Variants in PCDH11X observed in about 807,000 individuals in gnomAD.
The protein encoded by PCDH11X is protocadherin 11 X-linked.
A neutral mutation model predicts 53.3 loss-of-function variants in PCDH11X; 18 were observed. The ratio of observed to expected loss-of-function variants is 0.34; its 90% CI spans 0.23 to 0.50. The LOEUF is 0.50. Among genes scored for constraint, PCDH11X ranks in the 20% least tolerant of loss-of-function variants. The pLI is 0.98. For synonymous variants in PCDH11X, 279 were observed against 393.3 expected (o/e 0.71, Z 3.44); for missense variants, 570 against 1,032.4 (o/e 0.55, Z 6.14).
Position 92,316,997 on chromosome X carries a change from GC to G in PCDH11X, c.3144+53856del, listed in dbSNP as rs748963107. Among the ~76,000 whole-genome samples the G allele has an allele frequency of 4.5e-5, 5 of 111,430 alleles. No homozygotes were observed. In the East Asian group the frequency reaches 1.4e-3, roughly 31 times the overall value. On this transcript the variant is annotated intron_variant, in intron 8 of 10. Transcript: ENST00000682573. ...TTAAAATATTTATGTCTTAAAGACA[GC>G]CAAACACGTACTTTCAAAAAAAATT...
At chrX:91,977,814 G>A (rs966000043) in intron 6 of PCDH11X, among the ~76,000 whole-genome samples, 1 of 111,201 alleles carries the variant, frequency 9.0e-6, no homozygotes, top group African/African-American at 3.3e-5. Flanking sequence ...GTAATACCTG[G>A]GGGCAGGGTG....
Position 92,547,702 on chromosome X carries a change from T to C in PCDH11X, c.3368-70562T>C, listed in dbSNP as rs2074880361. Among the ~76,000 whole-genome samples the C allele has an allele frequency of 2.7e-5, 3 of 111,370 alleles. 1 individual carries two copies. The South Asian group carries it at 1.1e-3, about 42-fold the overall frequency. On this transcript the variant is annotated intron_variant, in intron 10 of 10. Coordinates refer to ENST00000682573, the MANE Select transcript of PCDH11X (RefSeq NM_032968.5). Reference sequence around the variant, plus strand: ...AAAAAATGATAGTTGTACATTTTTTTCTAATGGGCTTTTTCTTTTCTTTAT... The same window carrying C: ...AAAAAATGATAGTTGTACATTTTTTCCTAATGGGCTTTTTCTTTTCTTTAT...
intron 6 of PCDH11X, among the ~76,000 whole-genome samples, chrX:92,144,443 G>A (rs1255765978): frequency 9.0e-6 from 1 of 110,606 alleles, no homozygotes; most frequent in Non-Finnish European, 1.9e-5. Context: ...TCATGATAGT[G>A]AATACGTCTT....
chrX:92,495,113 A>C (rs1396533862), intron 10 of PCDH11X, among the ~76,000 whole-genome samples: 2 of 108,174 alleles, frequency 1.8e-5, no homozygotes, highest in Admixed American at 1.0e-4. Flanking sequence ...GAATATTTAC[A>C]TAAAATATTT....
chrX:91,888,888 T>C (rs1940352927), intron 6 of PCDH11X, among the ~76,000 whole-genome samples: 1 of 110,300 alleles, frequency 9.1e-6, no homozygotes, highest in Admixed American at 9.7e-5. Flanking sequence ...TATTTACTTA[T>C]TATATATCAG....
chrX:92,579,200 T>C, intron 10 of PCDH11X, among the ~76,000 whole-genome samples: 1 of 105,405 alleles, frequency 9.5e-6, no homozygotes. Flanking sequence ...ACTTCCACTT[T>C]GGGGAACTGA....
At chrX:92,535,762 C>T (rs2074646689) in intron 10 of PCDH11X, among the ~76,000 whole-genome samples, 1 of 111,534 alleles carries the variant, frequency 9.0e-6, no homozygotes, top group South Asian at 3.7e-4. Context: ...CATATAGTAC[C>T]AGTAAGAATA....
intron 6 of PCDH11X, among the ~76,000 whole-genome samples, chrX:91,984,966 A>G (rs1471979371): frequency 9.0e-6 from 1 of 111,432 alleles, no homozygotes; most frequent in Admixed American, 9.6e-5. Flanking sequence ...TTGAGGAACC[A>G]TAAGCCCTCC....
intron 4 of PCDH11X, among the ~76,000 whole-genome samples, chrX:91,814,998 A>G (rs1451776484): frequency 9.0e-6 from 1 of 111,446 alleles, no homozygotes; most frequent in Non-Finnish European, 1.9e-5. Context: ...AACTGTTCTA[A>G]GTACTTTACA....
intron 9 of PCDH11X, among the ~76,000 whole-genome samples, chrX:92,394,148 T>A (rs1293039633): frequency 9.0e-6 from 1 of 111,422 alleles, no homozygotes; most frequent in South Asian, 3.7e-4. Context: ...GAGATAATCT[T>A]TAAAAAATTA....
intron 6 of PCDH11X, among the ~76,000 whole-genome samples, chrX:92,175,756 ATGTG>A (rs751094829): frequency 3.5e-4 from 25 of 70,940 alleles, no homozygotes; most frequent in African/African-American, 6.3e-4. Flanking sequence ...GTATACATAT[ATGTG>A]TGTGTGTGTG....
intron 10 of PCDH11X, among the ~76,000 whole-genome samples, chrX:92,498,123 T>C (rs1422063496): frequency 8.9e-6 from 1 of 111,847 alleles, no homozygotes; most frequent in Non-Finnish European, 1.9e-5. Flanking sequence ...TTGCATACAG[T>C]TTAATGGGAA....
chrX:92,321,710 A>C (rs1391810957), intron 8 of PCDH11X, among the ~76,000 whole-genome samples: 3 of 111,108 alleles, frequency 2.7e-5, no homozygotes, highest in Non-Finnish European at 5.7e-5. Context: ...CAATTTTAAC[A>C]TTAATGCTGG....
chrX:92,264,661 T>C (rs1427373807), intron 8 of PCDH11X, among the ~76,000 whole-genome samples: 2 of 111,293 alleles, frequency 1.8e-5, no homozygotes, highest in Non-Finnish European at 3.8e-5. Flanking sequence ...CATTGAAATG[T>C]TGAAGAAGAG....
At chrX:92,086,432 T>TCTC (rs1449645107) in intron 6 of PCDH11X, among the ~76,000 whole-genome samples, 3 of 110,745 alleles carry the variant, frequency 2.7e-5, no homozygotes, top group Non-Finnish European at 5.7e-5. Flanking sequence ...AGACTCCACT[T>TCTC]CTCCTCACGT....
chrX:92,579,525 G>A (rs759296634), intron 10 of PCDH11X, among the ~76,000 whole-genome samples: 1 of 110,778 alleles, frequency 9.0e-6, no homozygotes, highest in Admixed American at 9.7e-5. Context: ...CTTTTCTTCT[G>A]TTTGGTCTAT....
chrX:92,330,896 G>A (rs955469894), intron 8 of PCDH11X, among the ~76,000 whole-genome samples: 1 of 96,377 alleles, frequency 1.0e-5, no homozygotes, highest in African/African-American at 3.8e-5. Flanking sequence ...GCCAATCGAT[G>A]CTTTCTTGAG....
intron 6 of PCDH11X, among the ~76,000 whole-genome samples, chrX:91,900,731 G>C (rs1448462967): frequency 9.2e-6 from 1 of 108,665 alleles, no homozygotes; most frequent in Non-Finnish European, 1.9e-5. Context: ...ATTATATGGG[G>C]GTGACTGTAA....
intron 6 of PCDH11X, among the ~76,000 whole-genome samples, chrX:91,967,433 G>A (rs930517029): frequency 9.0e-6 from 1 of 110,917 alleles, no homozygotes; most frequent in Admixed American, 9.6e-5. Flanking sequence ...ATTGTGAACT[G>A]CTCAAAGGAT....
Sources: allele counts gnomAD v4.1 joint callset (sites outside exome capture counted in the v4.1 genomes callset), GRCh38; gene constraint gnomAD v4.1.1; transcripts MANE v1.5; gene names NCBI Gene and HGNC (gene_info 2026-07-23, HGNC 2026-07-21).